Variants in NUDT3 observed in about 807,000 individuals in gnomAD.
NUDT3 encodes nudix hydrolase 3.
In NUDT3, 9 loss-of-function variants were observed where a neutral mutation model predicts 23.6. The observed-to-expected ratio is 0.38, with a 90% CI of 0.23 to 0.66. NUDT3 has a LOEUF of 0.66. Ranked by LOEUF, NUDT3 falls within the 30% of genes least tolerant of loss-of-function variation. NUDT3 has a pLI of 0.52. For synonymous variants in NUDT3, 86 were observed against 82.6 expected, an observed-to-expected ratio of 1.04 and a Z score of -0.22; for missense variants, 172 against 218.5, an observed-to-expected ratio of 0.79 and a Z score of 1.34.
intron 3 of NUDT3, 31 bp from the exon 4 acceptor site, chr6:34,293,566 G>A (rs1164332458): frequency 1.2e-6 from 2 of 1,612,294 alleles, no homozygotes; most frequent in African/African-American, 2.7e-5. Context: ...GATAGAGAGA[G>A]TTTTTCCTTA....
chr6:34,375,529 T>C (rs1468728701), intron 1 of NUDT3, among the ~76,000 whole-genome samples: 1 of 152,146 alleles, frequency 6.6e-6, no homozygotes, highest in Non-Finnish European at 1.5e-5. Flanking sequence ...ACTTCAATCC[T>C]GACCACACCA....
intron 2 of NUDT3, among the ~76,000 whole-genome samples, chr6:34,327,208 G>A (rs754841681): frequency 3.3e-5 from 5 of 152,036 alleles, no homozygotes; most frequent in African/African-American, 7.2e-5. Flanking sequence ...GGCAGCATAC[G>A]TCAGCGTTTT....
intron 2 of NUDT3, among the ~76,000 whole-genome samples, chr6:34,326,726 G>A (rs534751754): frequency 6.6e-6 from 1 of 151,720 alleles, no homozygotes; most frequent in South Asian, 2.1e-4. Context: ...TCAGCCTCCC[G>A]ACTAACTGGG....
chr6:34,378,991 A>G (rs1205695477), intron 1 of NUDT3, among the ~76,000 whole-genome samples: 2 of 152,136 alleles, frequency 1.3e-5, no homozygotes, highest in Non-Finnish European at 2.9e-5. Flanking sequence ...CAAGTCCATG[A>G]TCAAGTCTTA....
chr6:34,328,847 T>C (rs879452151), intron 2 of NUDT3, among the ~76,000 whole-genome samples: 9 of 152,350 alleles, frequency 5.9e-5, no homozygotes, highest in Admixed American at 5.9e-4. Flanking sequence ...CTAAATGATA[T>C]ATAATTTTGT....
At chr6:34,376,008 T>G (rs1764917005) in intron 1 of NUDT3, among the ~76,000 whole-genome samples, 1 of 152,118 alleles carries the variant, frequency 6.6e-6, no homozygotes, top group African/African-American at 2.4e-5. Context: ...AACTTTCTAT[T>G]CTCCCTCTCC....
intron 1 of NUDT3, among the ~76,000 whole-genome samples, chr6:34,358,896 G>C (rs1335321795): frequency 1.3e-5 from 2 of 152,124 alleles, no homozygotes; most frequent in Non-Finnish European, 2.9e-5. Context: ...TAGAAAGATA[G>C]TTATTGCAAG....
At chr6:34,365,474 T>G (rs996758708) in intron 1 of NUDT3, among the ~76,000 whole-genome samples, 1 of 152,152 alleles carries the variant, frequency 6.6e-6, no homozygotes, top group Non-Finnish European at 1.5e-5. Flanking sequence ...GGATATTATT[T>G]AGCCTTAAAA....
In NUDT3 at chr6:34,290,537, C is replaced by T. The variant is rs1296665562; in HGVS notation, c.341-1606G>A. ...ACACCTGTCCTATGTCACACTATTT[C>T]TTAAGCAATCTATATTATGAAAAAA... On this transcript the variant is annotated intron_variant, in intron 4 of 4. Coordinates refer to ENST00000607016, the MANE Select transcript of NUDT3 (RefSeq NM_006703.4). 2.0e-5 allele frequency among the ~76,000 whole-genome samples: 3 copies of T among 148,222 alleles called. No homozygotes were observed. In the East Asian group the frequency reaches 6.1e-4, roughly 30 times the overall value.
chr6:34,371,656 A>G (rs1054758387), intron 1 of NUDT3, among the ~76,000 whole-genome samples: 1 of 152,196 alleles, frequency 6.6e-6, no homozygotes, highest in African/African-American at 2.4e-5. Context: ...AATCACACTA[A>G]TTCTTATTAA....
chr6:34,310,559 C>G (rs1763755376), intron 2 of NUDT3, among the ~76,000 whole-genome samples: 1 of 152,078 alleles, frequency 6.6e-6, no homozygotes. Flanking sequence ...ACCACCACCA[C>G]CACCATAATA....
intron 3 of NUDT3, among the ~76,000 whole-genome samples, chr6:34,295,226 T>TA (rs1342711748): frequency 6.6e-6 from 1 of 152,006 alleles, no homozygotes; most frequent in African/African-American, 2.4e-5. Flanking sequence ...TTGCTTTCTT[T>TA]AAAAAACTCA....
intron 1 of NUDT3, among the ~76,000 whole-genome samples, chr6:34,362,592 G>A (rs1393554018): frequency 6.6e-6 from 1 of 152,100 alleles, no homozygotes; most frequent in Non-Finnish European, 1.5e-5. Context: ...AGCCTCCTGA[G>A]TAGCTGGGGC....
intron 1 of NUDT3, among the ~76,000 whole-genome samples, chr6:34,381,168 C>T (rs1765011291): frequency 6.6e-6 from 1 of 152,086 alleles, no homozygotes; most frequent in Non-Finnish European, 1.5e-5. Flanking sequence ...AGGCGCACAC[C>T]ACCACACCAG....
intron 1 of NUDT3, among the ~76,000 whole-genome samples, chr6:34,347,130 G>A (rs1014093651): frequency 6.6e-6 from 1 of 152,096 alleles, no homozygotes; most frequent in African/African-American, 2.4e-5. Flanking sequence ...GTACTAAATG[G>A]TGTTCTGTTC....
chr6:34,325,972 T>G (rs1311956261), intron 2 of NUDT3, among the ~76,000 whole-genome samples: 1 of 152,234 alleles, frequency 6.6e-6, no homozygotes, highest in East Asian at 1.9e-4. Context: ...TTTCTCAACT[T>G]TTCATTTTGA....
intron 2 of NUDT3, among the ~76,000 whole-genome samples, chr6:34,331,807 A>T (rs779587987): frequency 1.3e-5 from 2 of 152,180 alleles, no homozygotes; most frequent in Non-Finnish European, 2.9e-5. Flanking sequence ...ACTACAGTTG[A>T]TCCTTGAATA....
chr6:34,308,378 T>C (rs1158980123), intron 2 of NUDT3, among the ~76,000 whole-genome samples: 1 of 151,028 alleles, frequency 6.6e-6, no homozygotes, highest in Non-Finnish European at 1.5e-5. Context: ...GGTGGACAAC[T>C]TGAGGCTGGG....
chr6:34,290,176 G>C (rs149854260), intron 4 of NUDT3, among the ~76,000 whole-genome samples: 153 of 152,116 alleles, frequency 1.0e-3, no homozygotes, highest in South Asian at 5.4e-3. Context: ...ATGTGCTGCT[G>C]AATTTGCTTT....
Sources: gnomAD v4.1 joint callset for allele counts (sites outside exome capture counted in the v4.1 genomes callset) on GRCh38, gnomAD v4.1.1 for gene constraint, MANE v1.5 for transcripts, NCBI Gene and HGNC (gene_info 2026-07-23, HGNC 2026-07-21) for gene names.